The following RNF111 variants were observed in gnomAD, a reference collection of about 807,000 sequenced individuals.
RNF111 encodes the protein ring finger protein 111.
In RNF111, 17 loss-of-function variants were observed where a neutral mutation model predicts 95.1. That is an observed-to-expected ratio of 0.18 (90% CI 0.12 to 0.27). RNF111 has a LOEUF of 0.27. Ranked by LOEUF, RNF111 falls within the 10% of genes least tolerant of loss-of-function variation. The pLI, the probability that RNF111 is intolerant of heterozygous loss-of-function variation, is 1.00. For missense variants in RNF111, 1,189 were observed against 1,210.4 expected (o/e 0.98, Z 0.26); for synonymous variants, 440 against 414.8 (o/e 1.06, Z -0.74).
chr15:58,987,688 A>G lies in RNF111; in HGVS notation c.-400A>G. ...AGTGTCGTGCTCTCCTCGGTAGGGG[A>G]GGAATTGGTTAGGCGGCGGCGGCGG... On this transcript the variant is annotated 5_prime_UTR_variant, in exon 1 of 14. Coordinates refer to ENST00000348370, the MANE Select transcript of RNF111 (RefSeq NM_017610.8). The G allele has an allele frequency of 5.7e-6, 1 of 174,274 alleles. No individual in the cohort carries two copies. Among genetic ancestry groups the G allele is most frequent in the Non-Finnish European group, 1.2e-5 (1 of 84,420 alleles). The allele number at this position is 174,274 out of a possible 1,614,324, so 10.8% of individuals were successfully genotyped here.
At chr15:59,078,620 A>C (rs1419881574) in intron 7 of RNF111, among the ~76,000 whole-genome samples, 1 of 151,230 alleles carries the variant, frequency 6.6e-6, no homozygotes, top group African/African-American at 2.4e-5. Context: ...CACTTTCGGG[A>C]GGCCGAGGCG....
intron 1 of RNF111, among the ~76,000 whole-genome samples, chr15:59,001,230 A>G (rs1312814152): frequency 1.3e-5 from 2 of 148,596 alleles, no homozygotes; most frequent in East Asian, 3.9e-4. Flanking sequence ...GGAGTAGGTG[A>G]GGAGGAGAAT....
At chr15:59,001,423 T>C (rs1162386279) in intron 1 of RNF111, among the ~76,000 whole-genome samples, 6 of 152,194 alleles carry the variant, frequency 3.9e-5, no homozygotes, top group Admixed American at 2.0e-4. Flanking sequence ...CCTATTTTTG[T>C]TGTTGATTAA....
At chr15:58,990,514 G>A (rs1238927891) in intron 1 of RNF111, among the ~76,000 whole-genome samples, 1 of 152,202 alleles carries the variant, frequency 6.6e-6, no homozygotes, top group African/African-American at 2.4e-5. Context: ...GCCGAGCTTA[G>A]TGGTGTGCGC....
intron 5 of RNF111, 46 bp from the exon 6 acceptor site, chr15:59,066,718 G>A (rs1159344326): frequency 2.1e-6 from 3 of 1,447,506 alleles, no homozygotes; most frequent in East Asian, 2.3e-5. Context: ...TTTACACAGT[G>A]ATATTTCATG....
At position 59,030,993 on chromosome 15, in the gene RNF111, T is replaced by C. The variant is rs146297677; in HGVS notation, c.171T>C (p.Asn57=). ...KSFPAGVEMI[N]SKVGNEFSHL... ...TTCCTGCAGGAGTTGAGATGATTAA[T>C]AGTAAAGTGGGGAATGAATTCTCTC... Residue 57 remains asparagine (N), a synonymous_variant, in exon 2 of 14, where the codon AAT becomes AAC. Coordinates refer to ENST00000348370, the MANE Select transcript of RNF111 (RefSeq NM_017610.8). 2,951 of 1,614,156 alleles carry C rather than the reference T, an allele frequency of 1.8e-3. 8 individuals are homozygous for C. Among genetic ancestry groups the C allele is most frequent in the Non-Finnish European group, 2.2e-3 (2,613 of 1,180,002 alleles).
chr15:58,994,973 G>A (rs1429346500), intron 1 of RNF111, among the ~76,000 whole-genome samples: 2 of 152,120 alleles, frequency 1.3e-5, no homozygotes, highest in Non-Finnish European at 2.9e-5. Flanking sequence ...CCTGATAATA[G>A]CATTTATCCC....
At chr15:59,004,437 T>TC in intron 1 of RNF111, among the ~76,000 whole-genome samples, 1 of 152,220 alleles carries the variant, frequency 6.6e-6, no homozygotes, top group African/African-American at 2.4e-5. Context: ...AATATGAAAT[T>TC]TGTTAGGAAA....
In RNF111 at chr15:59,097,145, A is replaced by G. The variant is rs926530861; in HGVS notation, c.*2245A>G. 1.3e-5 allele frequency: 2 copies of G among 152,244 alleles called. No individual in the cohort carries two copies. Among genetic ancestry groups the G allele is most frequent in the South Asian group, 4.1e-4 (2 of 4,836 alleles). 9.4% of individuals were successfully genotyped at this position (152,244 alleles called of 1,614,324 possible). A position where few individuals can be genotyped will look rare whatever the true frequency, so the allele number is the denominator to read the frequency against. ...AATGAAGAAAGTAAGGAAGAAAATG[A>G]CTTTGAACATTTTGACTTTTTGTGC... On this transcript the variant is annotated 3_prime_UTR_variant, in exon 14 of 14. Coordinates refer to ENST00000348370, the MANE Select transcript of RNF111 (RefSeq NM_017610.8).
intron 7 of RNF111, among the ~76,000 whole-genome samples, chr15:59,077,212 G>C (rs1474749912): frequency 2.6e-5 from 4 of 152,140 alleles, no homozygotes; most frequent in African/African-American, 9.7e-5. Flanking sequence ...ATTCATTTTT[G>C]ATTGATCATC....
At chr15:59,027,340 C>T (rs186920060) in intron 1 of RNF111, among the ~76,000 whole-genome samples, 213 of 152,202 alleles carry the variant, frequency 1.4e-3, no homozygotes, top group African/African-American at 4.5e-3. Flanking sequence ...GTCTCTGATG[C>T]CTAGAAATCT....
intron 2 of RNF111, among the ~76,000 whole-genome samples, chr15:59,040,946 T>C (rs1392475437): frequency 6.6e-6 from 1 of 152,206 alleles, no homozygotes; most frequent in Non-Finnish European, 1.5e-5. Flanking sequence ...TAAAACAAGA[T>C]ATACTCAGGT....
intron 2 of RNF111, among the ~76,000 whole-genome samples, chr15:59,050,722 C>T (rs2041940340): frequency 6.6e-6 from 1 of 152,176 alleles, no homozygotes. Context: ...GACTTAAATC[C>T]ATCACCTCCA....
chr15:58,993,204 GT>G (rs1259095300), intron 1 of RNF111, among the ~76,000 whole-genome samples: 4 of 151,586 alleles, frequency 2.6e-5, no homozygotes, highest in African/African-American at 7.3e-5. Context: ...AAATAAAAAT[GT>G]TTTAAAATAA....
At chr15:59,012,633 A>T (rs1387314305) in intron 1 of RNF111, among the ~76,000 whole-genome samples, 1 of 152,166 alleles carries the variant, frequency 6.6e-6, no homozygotes, top group Admixed American at 6.5e-5. Context: ...TAATTTTTTG[A>T]CTTACACATA....
At chr15:59,006,572 C>T (rs2039548436) in intron 1 of RNF111, among the ~76,000 whole-genome samples, 1 of 152,196 alleles carries the variant, frequency 6.6e-6, no homozygotes, top group Admixed American at 6.5e-5. Flanking sequence ...ATCTCCCTGC[C>T]ACCTAGATTC....
At chr15:59,034,808 AAACTTTT>A (rs2041091027) in intron 2 of RNF111, among the ~76,000 whole-genome samples, 1 of 152,242 alleles carries the variant, frequency 6.6e-6, no homozygotes, top group South Asian at 2.1e-4. Context: ...TGGAAAGTCT[AAACTTTT>A]AATTTGACTT....
rs768755359 is a variant in RNF111 at position 59,031,698 on chromosome 15, C to G, written c.876C>G (p.Pro292=). The change falls in exon 2 of 14, where the codon CCC becomes CCG. Residue 292 remains proline, a synonymous_variant. Coordinates refer to ENST00000348370, the MANE Select transcript of RNF111 (RefSeq NM_017610.8). ...ACCACCAAAACAATCCAGCTGTTCC[C>G]TCAGGTAAAAATGTTTAAGCTGAGT... The part of the protein sequence containing the change: ...SENHQNNPAV[P]SGSIDEDVVV... 15 of 1,612,336 alleles carry G rather than the reference C, an allele frequency of 9.3e-6. No homozygotes were observed. Among genetic ancestry groups the G allele is most frequent in the Non-Finnish European group, 1.3e-5 (15 of 1,179,212 alleles).
At chr15:59,054,198 A>T (rs1333718044) in intron 3 of RNF111, among the ~76,000 whole-genome samples, 2 of 152,112 alleles carry the variant, frequency 1.3e-5, no homozygotes, top group Non-Finnish European at 2.9e-5. Flanking sequence ...CGGCCTCCCA[A>T]AGTGCTAGGA....
Sources: allele counts gnomAD v4.1 joint callset (sites outside exome capture counted in the v4.1 genomes callset), GRCh38; gene constraint gnomAD v4.1.1; transcripts MANE v1.5; gene names NCBI Gene and HGNC (gene_info 2026-07-23, HGNC 2026-07-21).